Variants in BBS1 observed in about 807,000 individuals in gnomAD.
The protein encoded by BBS1 is Bardet-Biedl syndrome 1.
Under a neutral mutation model 73.9 loss-of-function variants are expected in BBS1, and 60 were observed. The ratio of observed to expected loss-of-function variants is 0.81; its 90% CI spans 0.66 to 1.01. The LOEUF (loss-of-function observed/expected upper bound fraction) is 1.01. Ranked by LOEUF, BBS1 falls within the 50% of genes least tolerant of loss-of-function variation. BBS1 has a pLI of 0.00. For synonymous variants in BBS1, 283 were observed against 317.4 expected (o/e 0.89, Z 1.15); for missense variants, 718 against 770.3 (o/e 0.93, Z 0.80).
chr11:66,512,129 A>C (rs1387000746), intron 3 of BBS1, among the ~76,000 whole-genome samples: 1 of 150,920 alleles, frequency 6.6e-6, no homozygotes, highest in Non-Finnish European at 1.5e-5. Flanking sequence ...CAAGTTTTTT[A>C]AAGGTAGAGA....
intron 7 of BBS1, among the ~76,000 whole-genome samples, chr11:66,517,962 CT>C (rs543068799): frequency 0.012 from 1,658 of 136,026 alleles, 16 homozygotes; most frequent in East Asian, 0.072. Flanking sequence ...TTTTTCTTTT[CT>C]TTTTTTTTTT....
chr11:66,521,662 T>G lies in BBS1; in HGVS notation c.830+286T>G. ...GGCTCACGCCTGTAATCCCAGCACT[T>G]TGGGAGGCCGAGGCAAGCGGATCAC... On this transcript the variant is annotated intron_variant, in intron 9 of 16. Coordinates refer to ENST00000318312, the MANE Select transcript of BBS1 (RefSeq NM_024649.5). 7.5e-6 allele frequency: 3 copies of G among 402,100 alleles called. No individual in the cohort carries two copies. In the East Asian group the frequency reaches 1.7e-4, roughly 23 times the overall value. 24.9% of individuals were successfully genotyped at this position (402,100 alleles called of 1,614,324 possible). A position where few individuals can be genotyped will look rare whatever the true frequency, so the allele number is the denominator to read the frequency against.
chr11:66,521,541 G>A, intron 9 of BBS1, 165 bp downstream of exon 9: 1 of 680,874 alleles, frequency 1.5e-6, no homozygotes, highest in Admixed American at 2.1e-5. Flanking sequence ...GAGGATACCT[G>A]GAGGCTTGTG....
chr11:66,521,143 G>A (rs1341682423), intron 8 of BBS1, 127 bp from the exon 9 acceptor site: 2 of 769,378 alleles, frequency 2.6e-6, no homozygotes, highest in Non-Finnish European at 2.3e-6. Context: ...AACTGTATGA[G>A]TTTAAACTGG....
Position 66,530,957 on chromosome 11 carries a change from C to T in BBS1, c.1537C>T (p.Pro513Ser). Reference sequence around the variant, plus strand: ...CCTGCAGAACACCTCAACAACCCGTCCTGTCCTGGGGCTGCTGGTCTGCTT... The same window carrying T: ...CCTGCAGAACACCTCAACAACCCGTTCTGTCCTGGGGCTGCTGGTCTGCTT... Reference protein sequence around the residue: ...LHLQNTSTTRPVLGLLVCFLY... With the variant: ...LHLQNTSTTRSVLGLLVCFLY... The change falls in exon 15 of 17, where the codon CCT becomes TCT. Residue 513 changes from proline (P) to serine (S), a missense_variant. Coordinates refer to ENST00000318312, the MANE Select transcript of BBS1 (RefSeq NM_024649.5). 3.1e-6 allele frequency: 5 copies of T among 1,614,258 alleles called. No individual in the cohort carries two copies. Among genetic ancestry groups the T allele is most frequent in the Non-Finnish European group, 4.2e-6 (5 of 1,180,052 alleles).
intron 11 of BBS1, among the ~76,000 whole-genome samples, chr11:66,525,199 C>CAAAA (rs1202954773): frequency 1.2e-5 from 1 of 83,408 alleles, no homozygotes; most frequent in Non-Finnish European, 2.4e-5. Flanking sequence ...GACTCCATCT[C>CAAAA]AAAAAAAAAA....
In BBS1 at chr11:66,523,786, G is replaced by A. The variant is rs555503958; in HGVS notation, c.1014G>A (p.Gln338=). Residue 338 remains glutamine (Q), a synonymous_variant, in exon 11 of 17, where the codon CAG becomes CAA. Transcript: ENST00000318312. Reference sequence around the variant, plus strand: ...TCCTGACCATGAACCTCCTGGAGCAGCATTCCCGGGGCCTGCAGGCCGTCA... The same window carrying A: ...TCCTGACCATGAACCTCCTGGAGCAACATTCCCGGGGCCTGCAGGCCGTCA... ...AAILTMNLLE[Q]HSRGLQAVMA... is the part of the protein sequence containing the mutation. 1.2e-6 allele frequency: 2 copies of A among 1,613,338 alleles called. No individual in the cohort carries two copies. The highest frequency in any genetic ancestry group is 2.2e-5 in the South Asian group (2 of 91,090).
chr11:66,511,122 A>G (rs752709606), intron 2 of BBS1, 33 bp downstream of exon 2: 5 of 1,613,618 alleles, frequency 3.1e-6, no homozygotes, highest in Admixed American at 1.7e-5. Flanking sequence ...CCTGGGTTCT[A>G]GTGGGATGGG....
Position 66,529,270 on chromosome 11 carries a change from T to C in BBS1, c.1340-549T>C, listed in dbSNP as rs1480453299. 3 of 1,532,040 alleles carry C rather than the reference T, an allele frequency of 2.0e-6. No individual in the cohort carries two copies. In the African/African-American group the frequency reaches 4.1e-5, roughly 21 times the overall value. The allele number at this position is 1,532,040 out of a possible 1,614,324, so 94.9% of individuals were successfully genotyped here. On this transcript the variant is annotated intron_variant, in intron 13 of 16. Coordinates refer to ENST00000318312, the MANE Select transcript of BBS1 (RefSeq NM_024649.5). ...AACGGTGAGATGTGAGGGGTGGACC[T>C]AGGTGACTTGATGGACAGGGAGGCA...
chr11:66,512,179 A>G (rs894079339), intron 3 of BBS1, among the ~76,000 whole-genome samples: 1 of 152,012 alleles, frequency 6.6e-6, no homozygotes, highest in Non-Finnish European at 1.5e-5. Context: ...GCATGGATTC[A>G]GTATCCATTT....
chr11:66,512,032 GTATATATATGTATATATA>G (rs1317291559), intron 3 of BBS1, among the ~76,000 whole-genome samples: 2 of 144,176 alleles, frequency 1.4e-5, no homozygotes, highest in African/African-American at 5.1e-5. Flanking sequence ...GTATATATAT[GTATATATATGTATATATA>G]TGTGTATATA....
At chr11:66,519,873 A>C in intron 8 of BBS1, 125 bp downstream of exon 8, 1 of 1,303,400 alleles carries the variant, frequency 7.7e-7, no homozygotes. Context: ...GATAAGCATT[A>C]AAAAAGATAT....
rs1479663514 is a variant in BBS1 at position 66,514,488 on chromosome 11, C to T, written c.242C>T (p.Pro81Leu). Residue 81 changes from proline to leucine, a missense_variant, in exon 4 of 17, where the codon CCG becomes CTG. Transcript: ENST00000318312. ...LKGPLVMTESPLPALPAAAAT... is the reference protein window; with the variant it reads ...LKGPLVMTESLLPALPAAAAT... ...GGACCACTGGTGATGACCGAAAGCC[C>T]GCTACCTGCTCTGCCAGCTGCTGCT... The T allele has an allele frequency of 2.6e-5, 42 of 1,614,044 alleles. No homozygotes were observed. Among genetic ancestry groups the T allele is most frequent in the Non-Finnish European group, 3.1e-5 (36 of 1,180,042 alleles).
At chr11:66,525,313 C>T (rs888976384) in intron 11 of BBS1, among the ~76,000 whole-genome samples, 2 of 151,920 alleles carry the variant, frequency 1.3e-5, no homozygotes, top group Non-Finnish European at 2.9e-5. Flanking sequence ...GAACTGAGAT[C>T]GCGCCACTGC....
At chr11:66,514,357 G>A in intron 3 of BBS1, 49 bp from the exon 4 acceptor site, 2 of 1,610,160 alleles carry the variant, frequency 1.2e-6, no homozygotes, top group Non-Finnish European at 1.7e-6. Context: ...AGGGTCAGTG[G>A]AGAGGTCTTC....
At chr11:66,511,124 TG>T in intron 2 of BBS1, 35 bp downstream of exon 2, 1 of 1,613,666 alleles carries the variant, frequency 6.2e-7, no homozygotes, top group Admixed American at 1.7e-5. Context: ...TGGGTTCTAG[TG>T]GGATGGGGAG....
At position 66,515,546 on chromosome 11, in the gene BBS1, A is replaced by G; in HGVS notation, c.439A>G (p.Ile147Val). ...TCTTCCCACATTGTCACAGGACCGA[A>G]TCGACCCCTTAACCCTGAAGGAGAT... ...DLWNQAKEDRIDPLTLKEMLE... is the reference protein window; with the variant it reads ...DLWNQAKEDRVDPLTLKEMLE... Residue 147 changes from isoleucine (I) to valine (V), a missense_variant, in exon 5 of 17, where the codon ATC (isoleucine) becomes GTC (valine). Ile to Val is a conservative substitution (Grantham distance 29). Coordinates refer to ENST00000318312, the MANE Select transcript of BBS1 (RefSeq NM_024649.5). 1.9e-6 allele frequency: 3 copies of G among 1,614,120 alleles called. No individual in the cohort carries two copies. Among genetic ancestry groups the G allele is most frequent in the Non-Finnish European group, 2.5e-6 (3 of 1,180,008 alleles).
chr11:66,530,667 C>A (rs1856739208), intron 14 of BBS1, among the ~76,000 whole-genome samples: 1 of 152,088 alleles, frequency 6.6e-6, no homozygotes, highest in Admixed American at 6.5e-5. Context: ...GGCCTGCAGT[C>A]CCAGGCCAGC....
Position 66,510,659 on chromosome 11 carries a change from G to A in BBS1, c.-1G>A, listed in dbSNP as rs904158783. 1 of 1,614,196 alleles carries A rather than the reference G, an allele frequency of 6.2e-7. No homozygotes were observed. Among genetic ancestry groups the A allele is most frequent in the Non-Finnish European group, 8.5e-7 (1 of 1,180,028 alleles). ...CGGTTGCCAGGACGACGCCTGCGAA[G>A]ATGGCCGCTGCGTCCTCATCGGATT... On this transcript the variant is annotated 5_prime_UTR_variant, in exon 1 of 17. Coordinates refer to ENST00000318312, the MANE Select transcript of BBS1 (RefSeq NM_024649.5).
Sources: gnomAD v4.1 joint callset for allele counts (sites outside exome capture counted in the v4.1 genomes callset) on GRCh38, gnomAD v4.1.1 for gene constraint, MANE v1.5 for transcripts, NCBI Gene and HGNC (gene_info 2026-07-23, HGNC 2026-07-21) for gene names.